Variants in ALPK2 observed in about 807,000 individuals in gnomAD.
ALPK2 encodes the protein alpha-protein kinase 2.
ALPK2 carries 127 observed loss-of-function variants against 163.1 expected under a neutral mutation model. That is an observed-to-expected ratio of 0.78 (90% CI 0.67 to 0.90). ALPK2 has a LOEUF of 0.90. ALPK2 is among the 40% of genes least tolerant of loss of function. ALPK2 has a pLI of 0.00. For missense variants in ALPK2, 2,360 were observed against 2,589.6 expected, an observed-to-expected ratio of 0.91 and a Z score of 1.92; for synonymous variants, 953 against 959.1, an observed-to-expected ratio of 0.99 and a Z score of 0.12.
chr18:58,506,760 T>C (rs2051463931), intron 10 of ALPK2, among the ~76,000 whole-genome samples: 1 of 152,220 alleles, frequency 6.6e-6, no homozygotes, highest in Non-Finnish European at 1.5e-5. Flanking sequence ...TATATGTTTC[T>C]CAATTTCAGC....
intron 4 of ALPK2, 43 bp downstream of exon 4, chr18:58,578,771 C>CACACACAT (rs1555673966): frequency 3.2e-6 from 5 of 1,562,016 alleles, no homozygotes; most frequent in African/African-American, 1.4e-5. Context: ...CACACACACA[C>CACACACAT]GGTTCTTTTT....
chr18:58,517,230 C>T (rs2051527177), intron 8 of ALPK2, 48 bp from the exon 9 acceptor site: 5 of 1,576,208 alleles, frequency 3.2e-6, no homozygotes, highest in Non-Finnish European at 2.6e-6. Flanking sequence ...CCCAGTCCTG[C>T]TCCTTGGCTA....
intron 8 of ALPK2, among the ~76,000 whole-genome samples, chr18:58,520,942 G>A (rs1337025622): frequency 2.0e-5 from 3 of 152,228 alleles, no homozygotes; most frequent in Non-Finnish European, 4.4e-5. Context: ...TTAGAGTCCA[G>A]GAGGCCGAGG....
chr18:58,521,044 C>T (rs2051547837), intron 8 of ALPK2, among the ~76,000 whole-genome samples: 1 of 152,172 alleles, frequency 6.6e-6, no homozygotes, highest in Non-Finnish European at 1.5e-5. Flanking sequence ...TAATTTTCAG[C>T]TTCTTTATCT....
intron 12 of ALPK2, among the ~76,000 whole-genome samples, chr18:58,487,471 A>G (rs973429556): frequency 6.6e-6 from 1 of 152,164 alleles, no homozygotes; most frequent in African/African-American, 2.4e-5. Flanking sequence ...ATCAATTTCT[A>G]TCACTGTGAG....
At position 58,535,947 on chromosome 18, in the gene ALPK2, A is replaced by T. The variant is rs750093088; in HGVS notation, c.4240T>A (p.Tyr1414Asn). 11 of 1,614,000 alleles carry T rather than the reference A, an allele frequency of 6.8e-6. No homozygotes were observed. The highest frequency in any genetic ancestry group is 9.3e-6 in the Non-Finnish European group (11 of 1,180,002). The stretch of plus-strand genomic sequence containing the variant: ...GGCTCTGGTTTTCCAGCCCTGGTGT[A>T]CTCTATCACACTTATCTCATCAATG... ...DPIDEISVIE[Y>N]TRAGKPEPSE... The change falls in exon 5 of 13, where the codon TAC becomes AAC. Residue 1414 changes from tyrosine to asparagine, a missense_variant. Tyr to Asn is a moderately radical substitution (Grantham distance 143). Transcript: ENST00000361673.
At chr18:58,624,586 C>A (rs2052219786) in intron 1 of ALPK2, among the ~76,000 whole-genome samples, 1 of 152,126 alleles carries the variant, frequency 6.6e-6, no homozygotes, top group African/African-American at 2.4e-5. Flanking sequence ...TCTCAAGTGG[C>A]TGGGATTACA....
chr18:58,516,812 A>G, intron 9 of ALPK2, 96 bp downstream of exon 9: 1 of 1,384,560 alleles, frequency 7.2e-7, no homozygotes, highest in Non-Finnish European at 1.0e-6. Context: ...CACCCTTTTG[A>G]AGATATTCCC....
At chr18:58,574,613 T>C (rs924989825) in intron 4 of ALPK2, among the ~76,000 whole-genome samples, 5 of 151,904 alleles carry the variant, frequency 3.3e-5, no homozygotes, top group African/African-American at 7.3e-5. Context: ...GGGATCTAGG[T>C]TGCACAGTCC....
chr18:58,571,808 T>C, intron 4 of ALPK2, among the ~76,000 whole-genome samples: 1 of 151,844 alleles, frequency 6.6e-6, no homozygotes, highest in Admixed American at 6.6e-5. Flanking sequence ...AAACCCCGTC[T>C]CTACTAAAAA....
At chr18:58,512,725 TGTG>T (rs943153918) in intron 10 of ALPK2, among the ~76,000 whole-genome samples, 8 of 121,990 alleles carry the variant, frequency 6.6e-5, no homozygotes, top group Admixed American at 1.7e-4. Context: ...GTGTATTGTC[TGTG>T]GTGTGTGTGT....
intron 4 of ALPK2, chr18:58,538,449 A>T: frequency 2.1e-6 from 1 of 486,926 alleles, no homozygotes; most frequent in Non-Finnish European, 3.6e-6. Context: ...CAAATTCATC[A>T]TTATAAGCAA....
intron 4 of ALPK2, among the ~76,000 whole-genome samples, chr18:58,545,485 G>A (rs554907532): frequency 3.9e-5 from 6 of 152,316 alleles, no homozygotes; most frequent in African/African-American, 1.4e-4. Flanking sequence ...AATGCCAAGG[G>A]ATCAAAGGGC....
In ALPK2 at chr18:58,517,121, G is replaced by A. The variant is rs563273481; in HGVS notation, c.5727C>T (p.Tyr1909=). ...TCTGACCACGCAGGCGGCCCCCAAA[G>A]TAGCTGTCATGGAGGAAGTCTTCTT... ...IFKEDFLHDS[Y]FGGRLRGQIA... Residue 1909 remains tyrosine, a synonymous_variant, in exon 9 of 13, where the codon TAC becomes TAT. Coordinates refer to ENST00000361673, the MANE Select transcript of ALPK2 (RefSeq NM_052947.4). 3 of 1,614,238 alleles carry A rather than the reference G, an allele frequency of 1.9e-6. No individual in the cohort carries two copies. The highest frequency in any genetic ancestry group is 2.7e-5 in the African/African-American group (2 of 75,070).
chr18:58,538,528 C>T lies in ALPK2; in HGVS notation c.1963-304G>A, dbSNP rs191919160. 884 of 324,332 alleles carry T rather than the reference C, an allele frequency of 2.7e-3. 2 individuals are homozygous for T. The highest frequency in any genetic ancestry group is 3.9e-3 in the Non-Finnish European group (693 of 176,526). 20.1% of individuals were successfully genotyped at this position (324,332 alleles called of 1,614,324 possible). A position where few individuals can be genotyped will look rare whatever the true frequency, so the allele number is the denominator to read the frequency against. Reference sequence around the variant, plus strand: ...TCTTAGGAAATAGATGGAAATAAATCGAATGTTAACTGTTTTGATCAAGTA... The same window carrying T: ...TCTTAGGAAATAGATGGAAATAAATTGAATGTTAACTGTTTTGATCAAGTA... On this transcript the variant is annotated intron_variant, in intron 4 of 12. Coordinates refer to ENST00000361673, the MANE Select transcript of ALPK2 (RefSeq NM_052947.4).
At chr18:58,544,707 AC>A (rs1411426390) in intron 4 of ALPK2, 2 of 152,192 alleles carry the variant, frequency 1.3e-5, no homozygotes, top group African/African-American at 4.8e-5. Flanking sequence ...TTGTAATCTT[AC>A]GTCATATGTT....
intron 3 of ALPK2, among the ~76,000 whole-genome samples, chr18:58,606,443 C>T (rs1354244611): frequency 6.6e-6 from 1 of 152,162 alleles, no homozygotes; most frequent in Non-Finnish European, 1.5e-5. Context: ...ATGAACAACT[C>T]CTCTACAATG....
intron 4 of ALPK2, among the ~76,000 whole-genome samples, chr18:58,551,653 C>T (rs2051760837): frequency 6.6e-6 from 1 of 152,212 alleles, no homozygotes; most frequent in African/African-American, 2.4e-5. Context: ...AGCATAGTCA[C>T]TTGACTGGGT....
At chr18:58,492,019 C>T (rs1362178044) in intron 12 of ALPK2, among the ~76,000 whole-genome samples, 4 of 152,212 alleles carry the variant, frequency 2.6e-5, no homozygotes, top group Non-Finnish European at 5.9e-5. Context: ...CAGGGCCTTC[C>T]GTATTGACAA....
Sources: gnomAD v4.1 joint callset for allele counts (sites outside exome capture counted in the v4.1 genomes callset) on GRCh38, gnomAD v4.1.1 for gene constraint, MANE v1.5 for transcripts, NCBI Gene and HGNC (gene_info 2026-07-23, HGNC 2026-07-21) for gene names.